The following TRIM24 variants were observed in gnomAD, a reference collection of about 807,000 sequenced individuals.
The protein encoded by TRIM24 is transcription intermediary factor 1-alpha.
Under a neutral mutation model 123.9 loss-of-function variants are expected in TRIM24, and 29 were observed. The observed-to-expected ratio is 0.23, with a 90% CI of 0.17 to 0.32. The LOEUF is 0.32. TRIM24 is among the 10% of genes least tolerant of loss of function. TRIM24 has a pLI of 1.00. For missense variants in TRIM24, 932 were observed against 1,295.3 expected, an observed-to-expected ratio of 0.72 and a Z score of 4.31; for synonymous variants, 456 against 461.1, an observed-to-expected ratio of 0.99 and a Z score of 0.14.
intron 7 of TRIM24, among the ~76,000 whole-genome samples, chr7:138,543,722 C>T (rs1239357560): frequency 2.0e-5 from 3 of 152,210 alleles, no homozygotes; most frequent in African/African-American, 4.8e-5. Context: ...CATTATCCTA[C>T]TTACCTTGTA....
intron 7 of TRIM24, among the ~76,000 whole-genome samples, chr7:138,542,681 C>T (rs1326033743): frequency 6.6e-6 from 1 of 152,142 alleles, no homozygotes; most frequent in Non-Finnish European, 1.5e-5. Context: ...GCTTGTATTA[C>T]TACCTCTAAA....
chr7:138,526,612 A>G (rs113371352), intron 5 of TRIM24, among the ~76,000 whole-genome samples: 2,775 of 152,148 alleles, frequency 0.018, 70 homozygotes, highest in African/African-American at 0.061. Flanking sequence ...GGCTTTCACC[A>G]TGTTGGCCAG....
chr7:138,540,828 C>T (rs901564742), intron 7 of TRIM24, among the ~76,000 whole-genome samples: 4 of 152,026 alleles, frequency 2.6e-5, no homozygotes, highest in African/African-American at 9.7e-5. Context: ...TTATACTAGC[C>T]TTATGTAACG....
rs780038033 is a variant in TRIM24 at position 138,588,768 on chromosome 7, G to T, written c.*3817G>T. The T allele has an allele frequency of 1.3e-5, 2 of 152,216 alleles. No homozygotes were observed. Among genetic ancestry groups the T allele is most frequent in the Non-Finnish European group, 2.9e-5 (2 of 68,190 alleles). The allele number at this position is 152,216 out of a possible 1,614,324, so 9.4% of individuals were successfully genotyped here. On this transcript the variant is annotated 3_prime_UTR_variant, in exon 19 of 19. Transcript: ENST00000343526. ...ACCTGTAATCCCAGCACTTTGGGAG[G>T]CCGAGGTGGGTGGATCACCTGAAGT...
intron 3 of TRIM24, among the ~76,000 whole-genome samples, 156 bp from the exon 4 acceptor site, chr7:138,519,033 T>G (rs959428769): frequency 6.6e-6 from 1 of 152,224 alleles, no homozygotes; most frequent in Non-Finnish European, 1.5e-5. Flanking sequence ...ATATGTGATA[T>G]CTTAATATCT....
chr7:138,562,103 T>C (rs1040743639), intron 9 of TRIM24, among the ~76,000 whole-genome samples: 9 of 152,224 alleles, frequency 5.9e-5, no homozygotes, highest in Admixed American at 3.9e-4. Context: ...ATACAGGAGA[T>C]GGAGGAGGTC....
chr7:138,470,760 T>G (rs959775020), intron 1 of TRIM24, among the ~76,000 whole-genome samples: 7 of 152,244 alleles, frequency 4.6e-5, no homozygotes, highest in African/African-American at 1.7e-4. Context: ...CCTGTCATTC[T>G]TGGGACCTGA....
At chr7:138,543,830 T>TG (rs1321791433) in intron 7 of TRIM24, among the ~76,000 whole-genome samples, 13 of 150,764 alleles carry the variant, frequency 8.6e-5, no homozygotes, top group Admixed American at 6.6e-4. Context: ...TTTGGTTTTC[T>TG]GTTTTTTTTG....
chr7:138,573,648 G>A lies in TRIM24; in HGVS notation c.2014+6G>A. The A allele has an allele frequency of 6.3e-7, 1 of 1,593,980 alleles. No homozygotes were observed. Among genetic ancestry groups the A allele is most frequent in the Non-Finnish European group, 8.5e-7 (1 of 1,174,748 alleles). ...GCCATCTCCAGGCCTTGCAGGTAAA[G>A]TGGGCTTCTTTTGATTTTTGTGAAA... On this transcript the variant is annotated splice_donor_region_variant and intron_variant, in intron 12 of 18. Transcript: ENST00000343526.
At chr7:138,493,200 A>G (rs1039435512) in intron 1 of TRIM24, among the ~76,000 whole-genome samples, 5 of 152,150 alleles carry the variant, frequency 3.3e-5, no homozygotes, top group Admixed American at 2.6e-4. Context: ...GAGACAGTTG[A>G]TTTAACATCT....
intron 14 of TRIM24, among the ~76,000 whole-genome samples, chr7:138,578,571 C>T (rs900804588): frequency 8.0e-4 from 113 of 141,056 alleles, no homozygotes; most frequent in African/African-American, 2.8e-3. Flanking sequence ...TGTGCGCGCA[C>T]GCACGAATGG....
intron 1 of TRIM24, among the ~76,000 whole-genome samples, chr7:138,498,368 G>A (rs1795962175): frequency 6.6e-6 from 1 of 151,936 alleles, no homozygotes; most frequent in African/African-American, 2.4e-5. Flanking sequence ...GGGATTACAG[G>A]CGCCTGCCAT....
intron 14 of TRIM24, among the ~76,000 whole-genome samples, chr7:138,578,617 C>T (rs543716511): frequency 2.3e-3 from 345 of 151,674 alleles, no homozygotes; most frequent in African/African-American, 7.4e-3. Context: ...AATGTAAAAA[C>T]CTAATCTCCT....
At chr7:138,526,467 G>A (rs969708722) in intron 5 of TRIM24, among the ~76,000 whole-genome samples, 6 of 150,684 alleles carry the variant, frequency 4.0e-5, no homozygotes, top group Non-Finnish European at 7.4e-5. Flanking sequence ...TTTTTGAGAC[G>A]GAGTCTCACT....
intron 4 of TRIM24, among the ~76,000 whole-genome samples, chr7:138,522,540 A>C (rs1796525217): frequency 6.6e-6 from 1 of 152,196 alleles, no homozygotes; most frequent in Non-Finnish European, 1.5e-5. Flanking sequence ...CTACTGATAC[A>C]CAATCCTGGA....
intron 1 of TRIM24, among the ~76,000 whole-genome samples, chr7:138,466,462 G>GTTTTTTTTTTTTT (rs1563020272): frequency 3.1e-5 from 1 of 32,664 alleles, no homozygotes; most frequent in African/African-American, 1.3e-4. Context: ...AACTTAAGTT[G>GTTTTTTTTTTTTT]CTTTTTTTTT....
At chr7:138,489,890 G>A (rs1383539120) in intron 1 of TRIM24, among the ~76,000 whole-genome samples, 1 of 152,082 alleles carries the variant, frequency 6.6e-6, no homozygotes, top group East Asian at 1.9e-4. Flanking sequence ...GAATTTGAAC[G>A]TTGGCCTGCC....
intron 7 of TRIM24, among the ~76,000 whole-genome samples, chr7:138,539,977 T>A (rs1796970842): frequency 6.6e-6 from 1 of 152,072 alleles, no homozygotes; most frequent in African/African-American, 2.4e-5. Context: ...ATTTTTTGTA[T>A]TTTTAGTAGA....
intron 6 of TRIM24, 28 bp downstream of exon 6, chr7:138,529,258 T>C: frequency 8.6e-7 from 1 of 1,165,280 alleles, no homozygotes; most frequent in Non-Finnish European, 1.2e-6. Context: ...GGATAGTATA[T>C]TGATTCAACA....
Sources: allele counts gnomAD v4.1 joint callset (sites outside exome capture counted in the v4.1 genomes callset), GRCh38; gene constraint gnomAD v4.1.1; transcripts MANE v1.5; gene names NCBI Gene and HGNC (gene_info 2026-07-23, HGNC 2026-07-21).